ATP6V1E2: variants seen among roughly 807,000 people sequenced by gnomAD.
ATP6V1E2 encodes the protein V-type proton ATPase subunit E 2.
For synonymous variants in ATP6V1E2, 121 were observed against 104.2 expected (o/e 1.16, Z -0.98); for missense variants, 308 against 273.3 (o/e 1.13, Z -0.90).
chr2:46,528,153 T>C (rs1296385504), intron 4 of ATP6V1E2: 1 of 152,274 alleles, frequency 6.6e-6, no homozygotes, highest in African/African-American at 2.4e-5. Context: ...TGTATAGATA[T>C]ATGTGCACAC....
At chr2:46,533,108 T>C (rs1667262034) in intron 4 of ATP6V1E2, among the ~76,000 whole-genome samples, 1 of 141,470 alleles carries the variant, frequency 7.1e-6, no homozygotes, top group South Asian at 2.2e-4. Flanking sequence ...TATCTAACAT[T>C]ATATTATATA....
Position 46,542,326 on chromosome 2 carries a change from A to G in ATP6V1E2, c.-483T>C, listed in dbSNP as rs1041593853. On this transcript the variant is annotated 5_prime_UTR_variant, in exon 1 of 5. Transcript: ENST00000522587. ...AAATATGCATGTATAATTTGGCATG[A>G]CTATTGCGTCATCGTGGAGGTCGTC... The G allele has an allele frequency of 2.6e-5, 4 of 151,370 alleles. No individual in the cohort carries two copies. The highest frequency in any genetic ancestry group is 7.3e-5 in the African/African-American group (3 of 41,154). 9.4% of individuals were successfully genotyped at this position (151,370 alleles called of 1,614,324 possible). A position where few individuals can be genotyped will look rare whatever the true frequency, so the allele number is the denominator to read the frequency against.
At chr2:46,540,888 C>A (rs1026976727) in intron 2 of ATP6V1E2, among the ~76,000 whole-genome samples, 1 of 152,186 alleles carries the variant, frequency 6.6e-6, no homozygotes, top group Non-Finnish European at 1.5e-5. Flanking sequence ...CTGCATGATT[C>A]ATCGGACATC....
intron 4 of ATP6V1E2, among the ~76,000 whole-genome samples, chr2:46,533,897 G>A (rs1378552278): frequency 6.6e-6 from 1 of 152,130 alleles, no homozygotes; most frequent in Admixed American, 6.5e-5. Context: ...ATTTCATTAA[G>A]TTCTAGTTTG....
rs371479779 is a variant in ATP6V1E2 at position 46,512,253 on chromosome 2, G to T, written c.459C>A (p.Pro153=). ...LVEAAVQKAI[P]EYMTISQKHV... ...GTTTCTGGGAAATTGTCATGTACTCGGGGATGGCTTTTTGTACAGCAGCCT... is the reference window on the plus strand; with the variant it reads ...GTTTCTGGGAAATTGTCATGTACTCTGGGATGGCTTTTTGTACAGCAGCCT... The change falls in exon 5 of 5, where the codon CCC becomes CCA. Residue 153 remains proline, a synonymous_variant. Transcript: ENST00000522587. The T allele has an allele frequency of 6.2e-7, 1 of 1,613,592 alleles. No homozygotes were observed. The highest frequency in any genetic ancestry group is 1.3e-5 in the African/African-American group (1 of 74,976).
intron 4 of ATP6V1E2, chr2:46,534,322 T>C (rs1156367661): frequency 6.6e-6 from 1 of 152,250 alleles, no homozygotes; most frequent in Non-Finnish European, 1.5e-5. Flanking sequence ...TCTAACCTAC[T>C]GTTAAGTTCA....
At chr2:46,536,234 A>G (rs3829836) in intron 3 of ATP6V1E2, among the ~76,000 whole-genome samples, 9,755 of 152,304 alleles carry the variant, frequency 0.064, 1,084 homozygotes, top group East Asian at 0.52. Context: ...TATGTAATCA[A>G]CTAGAAAAAG....
chr2:46,512,355 C>T lies in ATP6V1E2; in HGVS notation c.357G>A (p.Leu119=). ...PEVYQGLLDK[L]VLQGLLRLLE... is the part of the protein sequence containing the mutation. The stretch of plus-strand genomic sequence containing the variant: ...GCAGTCGGAGCAGACCCTGGAGCAC[C>T]AGTTTATCCAGCAGCCCCTGGTAGA... Residue 119 remains leucine, a synonymous_variant, in exon 5 of 5, where the codon CTG becomes CTA. Transcript: ENST00000522587. 4 of 1,614,018 alleles carry T rather than the reference C, an allele frequency of 2.5e-6. No individual in the cohort carries two copies. The highest frequency in any genetic ancestry group is 3.4e-6 in the Non-Finnish European group (4 of 1,179,992).
rs141411469 is a variant in ATP6V1E2 at position 46,525,656 on chromosome 2, T to C, written c.-102+10157A>G. Among the ~76,000 whole-genome samples the C allele has an allele frequency of 3.6e-3, 542 of 152,204 alleles. 2 individuals carry two copies. The highest frequency in any genetic ancestry group is 0.012 in the African/African-American group (508 of 41,536). The stretch of plus-strand genomic sequence containing the variant: ...AGTTGCTGATGAGTAAGGAGCCACA[T>C]AGAGTTTTATTCCAAGAACTCCACT... On this transcript the variant is annotated intron_variant, in intron 4 of 4. Transcript: ENST00000522587.
intron 4 of ATP6V1E2, among the ~76,000 whole-genome samples, chr2:46,518,758 TTGTG>T (rs70940621): frequency 0.052 from 7,335 of 140,028 alleles, 219 homozygotes; most frequent in Admixed American, 0.071. Context: ...CAAGTCAATT[TTGTG>T]TGTGTGTGTG....
At chr2:46,514,537 C>A (rs986366347) in intron 4 of ATP6V1E2, among the ~76,000 whole-genome samples, 19 of 152,032 alleles carry the variant, frequency 1.2e-4, no homozygotes, top group African/African-American at 4.6e-4. Flanking sequence ...TGAAAAAATT[C>A]ACTAGAGGAG....
Position 46,512,312 on chromosome 2 carries a change from C to G in ATP6V1E2, c.400G>C (p.Val134Leu). 2 of 1,612,062 alleles carry G rather than the reference C, an allele frequency of 1.2e-6. No individual in the cohort carries two copies. The highest frequency in any genetic ancestry group is 1.7e-6 in the Non-Finnish European group (2 of 1,178,706). ...AGGAGGTCTTGTGGCCGGCAGCGTA[C>G]AATCATCACAGGTTCCAGCAGTCGG... ...LLRLLEPVMI[V>L]RCRPQDLLLV... The change falls in exon 5 of 5, where the codon GTA becomes CTA. Residue 134 changes from valine (V) to leucine (L), a missense_variant. Coordinates refer to ENST00000522587, the MANE Select transcript of ATP6V1E2 (RefSeq NM_001318063.2).
At chr2:46,533,073 TTA>T (rs541930267) in intron 4 of ATP6V1E2, among the ~76,000 whole-genome samples, 4 of 148,940 alleles carry the variant, frequency 2.7e-5, no homozygotes, top group Non-Finnish European at 4.5e-5. Context: ...ATTTTTTTAA[TTA>T]TATATATATA....
At chr2:46,520,751 T>C (rs1319319790) in intron 4 of ATP6V1E2, among the ~76,000 whole-genome samples, 1 of 152,208 alleles carries the variant, frequency 6.6e-6, no homozygotes, top group Non-Finnish European at 1.5e-5. Context: ...CTAGGAAACT[T>C]CTTTGAAAAT....
At chr2:46,517,640 G>A (rs537395369) in intron 4 of ATP6V1E2, among the ~76,000 whole-genome samples, 2 of 152,016 alleles carry the variant, frequency 1.3e-5, no homozygotes, top group South Asian at 4.1e-4. Context: ...CAAAGCAAAA[G>A]CAACAACAAC....
chr2:46,528,518 C>A (rs1364226622), intron 4 of ATP6V1E2, among the ~76,000 whole-genome samples: 4 of 152,222 alleles, frequency 2.6e-5, no homozygotes, highest in Non-Finnish European at 1.5e-5. Flanking sequence ...TGGGACATCA[C>A]AGGATGGTGA....
At chr2:46,515,937 C>T (rs1195317067) in intron 4 of ATP6V1E2, among the ~76,000 whole-genome samples, 1 of 152,098 alleles carries the variant, frequency 6.6e-6, no homozygotes, top group Non-Finnish European at 1.5e-5. Context: ...GAGACAAAGA[C>T]ATTATATAAT....
rs1216136404 is a variant in ATP6V1E2, at chr2:46,535,744, G to C, written c.-102+69C>G. On this transcript the variant is annotated intron_variant, in intron 4 of 4. Coordinates refer to ENST00000522587, the MANE Select transcript of ATP6V1E2 (RefSeq NM_001318063.2). This position sits in a 1 kb window ranked among gnomAD's most constrained non-coding sequence, Gnocchi z 4.4. Reference sequence around the variant, plus strand: ...CTACACTAGCTTTTAAGTCTGACAAGGAAAGCAAGAGTCTGTAATTTCAGC... The same window carrying C: ...CTACACTAGCTTTTAAGTCTGACAACGAAAGCAAGAGTCTGTAATTTCAGC... 2 of 152,184 alleles carry C rather than the reference G, an allele frequency of 1.3e-5. No individual in the cohort carries two copies. The highest frequency in any genetic ancestry group is 4.8e-5 in the African/African-American group (2 of 41,424). 9.4% of individuals were successfully genotyped at this position (152,184 alleles called of 1,614,324 possible).
At chr2:46,514,696 G>A (rs759955102) in intron 4 of ATP6V1E2, among the ~76,000 whole-genome samples, 5 of 152,126 alleles carry the variant, frequency 3.3e-5, no homozygotes, top group African/African-American at 4.8e-5. Flanking sequence ...TGCATTATGG[G>A]AGTCTCAAAA....
Sources: gnomAD v4.1 joint callset for allele counts (sites outside exome capture counted in the v4.1 genomes callset) on GRCh38, gnomAD v4.1.1 for gene constraint, Gnocchi (gnomAD v3.1) non-coding constraint, MANE v1.5 for transcripts, NCBI Gene and HGNC (gene_info 2026-07-23, HGNC 2026-07-21) for gene names.